ERCC6L2: variants seen among roughly 807,000 people sequenced by gnomAD.
The protein encoded by ERCC6L2 is DNA excision repair protein ERCC-6-like 2.
ERCC6L2 carries 77 observed loss-of-function variants against 132.0 expected under a neutral mutation model. The observed-to-expected ratio is 0.58, with a 90% confidence interval of 0.49 to 0.71. ERCC6L2 has a LOEUF of 0.71. ERCC6L2 is among the 30% of genes least tolerant of loss of function. ERCC6L2 has a pLI of 0.00. For synonymous variants in ERCC6L2, 583 were observed against 632.4 expected, an observed-to-expected ratio of 0.92 and a Z score of 1.17; for missense variants, 1,542 against 1,837.6, an observed-to-expected ratio of 0.84 and a Z score of 2.94.
chr9:95,881,110 C>T lies in ERCC6L2; in HGVS notation c.288C>T (p.Asn96=), dbSNP rs201848920. ...DEDLEKPYFP[N]RKFPSSSVAF... ...ATTTAGAAAAACCTTATTTCCCAAA[C>T]CGAAAATTTCCATCATCTTCTGTTG... Residue 96 remains asparagine, a synonymous_variant, in exon 2 of 19, where the codon AAC becomes AAT. Coordinates refer to ENST00000653738, the MANE Select transcript of ERCC6L2 (RefSeq NM_020207.7). 2.5e-6 allele frequency: 4 copies of T among 1,613,402 alleles called. No homozygotes were observed. The highest frequency in any genetic ancestry group is 3.4e-6 in the Non-Finnish European group (4 of 1,179,784).
intron 17 of ERCC6L2, among the ~76,000 whole-genome samples, chr9:95,988,128 C>T (rs758941464): frequency 7.9e-5 from 12 of 152,142 alleles, no homozygotes; most frequent in South Asian, 2.1e-4. Flanking sequence ...GAGGGGCTGC[C>T]GCAAAGGTCT....
At chr9:95,918,602 G>T in intron 6 of ERCC6L2, 1 of 343,414 alleles carries the variant, frequency 2.9e-6, no homozygotes, top group South Asian at 2.6e-5. Flanking sequence ...TTACAAGTCG[G>T]GGGGCCTAGG....
intron 19 of ERCC6L2, among the ~76,000 whole-genome samples, chr9:96,034,448 T>C (rs1343666698): frequency 6.6e-6 from 1 of 152,246 alleles, no homozygotes; most frequent in Non-Finnish European, 1.5e-5. Context: ...CCTGAACTCT[T>C]GCTTTTACAG....
intron 1 of ERCC6L2, 185 bp downstream of exon 1, chr9:95,876,269 G>A: frequency 3.7e-6 from 2 of 539,616 alleles, no homozygotes; most frequent in East Asian, 3.1e-5. Flanking sequence ...CCTGGACTCG[G>A]GAGTCAGCCC....
At chr9:95,930,884 A>G (rs541699515) in intron 11 of ERCC6L2, among the ~76,000 whole-genome samples, 5 of 152,220 alleles carry the variant, frequency 3.3e-5, no homozygotes, top group African/African-American at 9.6e-5. Context: ...TTTGTCACCT[A>G]TACATATTAT....
At chr9:95,959,184 G>T (rs113626715) in intron 13 of ERCC6L2, among the ~76,000 whole-genome samples, 3 of 146,910 alleles carry the variant, frequency 2.0e-5, no homozygotes, top group Non-Finnish European at 4.5e-5. Flanking sequence ...AAACAGAGAT[G>T]TAGATCAATG....
In ERCC6L2 at chr9:95,973,101, A is replaced by T. The variant is rs749609182; in HGVS notation, c.3337+13A>T. 1.1e-5 allele frequency: 14 copies of T among 1,298,110 alleles called. No homozygotes were observed. Among genetic ancestry groups the T allele is most frequent in the Non-Finnish European group, 1.3e-5 (13 of 989,272 alleles). 80.4% of individuals were successfully genotyped at this position (1,298,110 alleles called of 1,614,324 possible). A position where few individuals can be genotyped will look rare whatever the true frequency, so the allele number is the denominator to read the frequency against. ...GATAAATTTTTAGGTAACTAAAGACACATTCTCAAAACTTTAAAAAGTATA... is the reference window on the plus strand; with the variant it reads ...GATAAATTTTTAGGTAACTAAAGACTCATTCTCAAAACTTTAAAAAGTATA... On this transcript the variant is annotated intron_variant, in intron 16 of 18. Coordinates refer to ENST00000653738, the MANE Select transcript of ERCC6L2 (RefSeq NM_020207.7).
chr9:95,907,315 A>G, intron 4 of ERCC6L2, 44 bp downstream of exon 4: 3 of 1,235,436 alleles, frequency 2.4e-6, no homozygotes, highest in Non-Finnish European at 3.3e-6. Context: ...TTAATAGTCT[A>G]CTTACATCCC....
chr9:95,922,481 A>G (rs1829916084), intron 8 of ERCC6L2, 63 bp downstream of exon 8: 2 of 967,708 alleles, frequency 2.1e-6, no homozygotes, highest in East Asian at 5.5e-5. Flanking sequence ...TAAAGTTTTA[A>G]AATAGTTATT....
chr9:96,024,788 A>T (rs1411098613), intron 19 of ERCC6L2, among the ~76,000 whole-genome samples: 2 of 152,134 alleles, frequency 1.3e-5, no homozygotes, highest in Non-Finnish European at 2.9e-5. Context: ...CCTCACACTC[A>T]TTGTGTCCAA....
At chr9:95,993,849 G>T (rs188863598) in intron 17 of ERCC6L2, among the ~76,000 whole-genome samples, 69 of 152,262 alleles carry the variant, frequency 4.5e-4, no homozygotes, top group Admixed American at 7.2e-4. Context: ...CCCAGAAAAG[G>T]TTTTGGATTT....
chr9:96,026,730 A>G (rs1477764902), intron 19 of ERCC6L2, among the ~76,000 whole-genome samples: 1 of 143,564 alleles, frequency 7.0e-6, no homozygotes, highest in Non-Finnish European at 1.5e-5. Flanking sequence ...CACCAAACAC[A>G]CCACACCACA....
At chr9:95,926,986 A>G (rs967609736) in intron 9 of ERCC6L2, among the ~76,000 whole-genome samples, 1 of 152,078 alleles carries the variant, frequency 6.6e-6, no homozygotes, top group Non-Finnish European at 1.5e-5. Context: ...AATATCTACC[A>G]ATTTAAAAAG....
chr9:95,949,577 A>C (rs967739087), intron 12 of ERCC6L2, among the ~76,000 whole-genome samples: 2 of 152,178 alleles, frequency 1.3e-5, no homozygotes, highest in Admixed American at 1.3e-4. Context: ...AAAAACAAAC[A>C]AACTGTCAAC....
At chr9:95,930,342 T>A (rs1830282267) in intron 11 of ERCC6L2, among the ~76,000 whole-genome samples, 1 of 152,158 alleles carries the variant, frequency 6.6e-6, no homozygotes, top group Non-Finnish European at 1.5e-5. Context: ...CATAAGTCAT[T>A]ATATAAGGAA....
Position 95,966,561 on chromosome 9 carries a change from G to T in ERCC6L2, c.1948-1G>T. On this transcript the variant is annotated splice_acceptor_variant, in intron 13 of 18. Transcript: ENST00000653738. LOFTEE classifies it high-confidence loss of function. ...AATGTCTTGTGTTTTTTCTGTTTTA[G>T]CAACTTCACTGTGTGGTGGTTGGAA... 2 of 1,461,436 alleles carry T rather than the reference G, an allele frequency of 1.4e-6. No homozygotes were observed. The highest frequency in any genetic ancestry group is 2.1e-5 in the Admixed American group (1 of 48,614). The allele number at this position is 1,461,436 out of a possible 1,614,324, so 90.5% of individuals were successfully genotyped here. A position where few individuals can be genotyped will look rare whatever the true frequency, so the allele number is the denominator to read the frequency against.
At chr9:95,951,916 T>C (rs181661186) in intron 12 of ERCC6L2, among the ~76,000 whole-genome samples, 23 of 151,816 alleles carry the variant, frequency 1.5e-4, no homozygotes, top group Admixed American at 1.5e-3. Context: ...ACACCTGTAA[T>C]CCCAGCATTT....
intron 19 of ERCC6L2, among the ~76,000 whole-genome samples, chr9:96,033,752 G>T (rs1385490682): frequency 6.6e-6 from 1 of 152,194 alleles, no homozygotes; most frequent in Non-Finnish European, 1.5e-5. Context: ...GTCTGCAGTT[G>T]TCATCTGGCA....
chr9:96,023,634 T>C (rs188853992), intron 19 of ERCC6L2, among the ~76,000 whole-genome samples: 5 of 152,342 alleles, frequency 3.3e-5, no homozygotes, highest in Admixed American at 1.3e-4. Context: ...GCCCGGAGTT[T>C]CTCAGCACTG....
Sources: gnomAD v4.1 joint callset for allele counts (sites outside exome capture counted in the v4.1 genomes callset) on GRCh38, gnomAD v4.1.1 for gene constraint, MANE v1.5 for transcripts, NCBI Gene and HGNC (gene_info 2026-07-23, HGNC 2026-07-21) for gene names.